Variants in DOCK8 observed in about 807,000 individuals in gnomAD.
DOCK8 encodes the protein dedicator of cytokinesis 8, also known as dedicator of cytokinesis protein 8.
A neutral mutation model predicts 245.6 loss-of-function variants in DOCK8; 141 were observed. The ratio of observed to expected loss-of-function variants is 0.57; its 90% CI spans 0.50 to 0.66. DOCK8 has a LOEUF of 0.66. Ranked by LOEUF, DOCK8 falls within the 30% of genes least tolerant of loss-of-function variation. The pLI, the probability that DOCK8 is intolerant of heterozygous loss-of-function variation, is 0.00. For synonymous variants in DOCK8, 1,168 were observed against 970.2 expected (o/e 1.20, Z -3.79); for missense variants, 2,965 against 2,603.4 (o/e 1.14, Z -3.02).
intron 35 of DOCK8, 103 bp from the exon 36 acceptor site, chr9:429,599 C>G (rs2056633405): frequency 1.4e-6 from 2 of 1,406,242 alleles, no homozygotes; most frequent in Middle Eastern, 2.2e-4. Context: ...ATTAACTCTT[C>G]TAGGCTTTTT....
In DOCK8 at chr9:247,260, T is replaced by A. The variant is rs185414687; in HGVS notation, c.54-24367T>A. Among the ~76,000 whole-genome samples the A allele has an allele frequency of 3.1e-3, 469 of 152,326 alleles. 5 individuals carry two copies. Among genetic ancestry groups the A allele is most frequent in the African/African-American group, 0.01 (427 of 41,558 alleles). On this transcript the variant is annotated intron_variant, in intron 1 of 47. Transcript: ENST00000432829. ...TAATTTGAATGTGCTATTCTTTTTT[T>A]AATTGCTTTAAAGTCAATTGGGGAA...
At chr9:411,591 C>G (rs968068649) in intron 28 of DOCK8, among the ~76,000 whole-genome samples, 2 of 152,100 alleles carry the variant, frequency 1.3e-5, no homozygotes, top group African/African-American at 4.8e-5. Flanking sequence ...TACTTCCCCA[C>G]TTGTTCTATG....
intron 39 of DOCK8, among the ~76,000 whole-genome samples, chr9:436,862 A>G (rs1404494114): frequency 6.6e-6 from 1 of 152,194 alleles, no homozygotes; most frequent in African/African-American, 2.4e-5. Flanking sequence ...TTGTTCAGTT[A>G]TAATTATGAG....
intron 2 of DOCK8, among the ~76,000 whole-genome samples, chr9:272,343 A>C (rs1471578680): frequency 6.6e-6 from 1 of 151,992 alleles, no homozygotes; most frequent in Non-Finnish European, 1.5e-5. Flanking sequence ...TGTCACCATA[A>C]TTTTGCTCTA....
chr9:333,405 T>G lies in DOCK8; in HGVS notation c.1126-820T>G, dbSNP rs148554649. Among the ~76,000 whole-genome samples the G allele has an allele frequency of 5.6e-3, 850 of 152,228 alleles. 6 individuals carry two copies. The highest frequency in any genetic ancestry group is 0.014 in the East Asian group (72 of 5,170). Reference sequence around the variant, plus strand: ...TCATGAGGTCAGAAGATTGAGACCATCCTGGCCAACACGGTGAAACCCCGT... The same window carrying G: ...TCATGAGGTCAGAAGATTGAGACCAGCCTGGCCAACACGGTGAAACCCCGT... On this transcript the variant is annotated intron_variant, in intron 10 of 47. Transcript: ENST00000432829.
intron 4 of DOCK8, among the ~76,000 whole-genome samples, chr9:301,985 TTAA>T (rs1230964345): frequency 6.9e-6 from 1 of 144,954 alleles, no homozygotes; most frequent in Non-Finnish European, 1.5e-5. Context: ...TTCACAGAAT[TTAA>T]AAAAAAAAAC....
At chr9:225,923 T>C (rs1046759028) in intron 1 of DOCK8, among the ~76,000 whole-genome samples, 1 of 152,126 alleles carries the variant, frequency 6.6e-6, no homozygotes, top group Non-Finnish European at 1.5e-5. Context: ...AGAACTGGTC[T>C]GTCTCTAGTG....
intron 29 of DOCK8, among the ~76,000 whole-genome samples, chr9:415,682 G>A (rs1277914717): frequency 8.9e-6 from 1 of 112,072 alleles, no homozygotes; most frequent in Non-Finnish European, 1.7e-5. Context: ...GTGCACGTGT[G>A]TGCGCGCGTG....
chr9:292,418 A>T (rs975982462), intron 4 of DOCK8, among the ~76,000 whole-genome samples: 15 of 144,370 alleles, frequency 1.0e-4, no homozygotes, highest in South Asian at 2.2e-4. Flanking sequence ...AAAAAAGATT[A>T]TTGACACTAC....
chr9:330,338 A>G (rs972956900), intron 9 of DOCK8, among the ~76,000 whole-genome samples: 2 of 152,214 alleles, frequency 1.3e-5, no homozygotes, highest in Non-Finnish European at 2.9e-5. Context: ...CGATGGGCCT[A>G]TCCTTATGTA....
intron 1 of DOCK8, among the ~76,000 whole-genome samples, chr9:217,883 G>A (rs1428515698): frequency 6.6e-6 from 1 of 152,188 alleles, no homozygotes; most frequent in Non-Finnish European, 1.5e-5. Context: ...CAATGGCAGA[G>A]CTGGGATTGC....
intron 14 of DOCK8, among the ~76,000 whole-genome samples, chr9:360,322 TAA>T (rs35203849): frequency 4.3e-5 from 6 of 139,214 alleles, no homozygotes; most frequent in Admixed American, 7.2e-5. Context: ...TCTCAAAATT[TAA>T]AAAAAAAAAA....
At position 419,195 on chromosome 9, in the gene DOCK8, G is replaced by A. The variant is rs10974333; in HGVS notation, c.3840+988G>A. ...GCAGAGAATTTAACTTTCTTCTCCC[G>A]TGAGAAAGCAGCATCCTGACCTAAC... On this transcript the variant is annotated intron_variant, in intron 30 of 47. Transcript: ENST00000432829. 6.5e-3 allele frequency among the ~76,000 whole-genome samples: 996 copies of A among 152,276 alleles called. 14 individuals carry two copies. Among genetic ancestry groups the A allele is most frequent in the African/African-American group, 0.023 (941 of 41,534 alleles).
At chr9:258,256 T>G (rs750964702) in intron 1 of DOCK8, among the ~76,000 whole-genome samples, 1 of 152,190 alleles carries the variant, frequency 6.6e-6, no homozygotes. Flanking sequence ...CGTCACTAAG[T>G]CACACAGACA....
chr9:229,408 G>A (rs933942209), intron 1 of DOCK8, among the ~76,000 whole-genome samples: 1 of 152,174 alleles, frequency 6.6e-6, no homozygotes, highest in Non-Finnish European at 1.5e-5. Flanking sequence ...ACATAGTCCT[G>A]CCTGGAGGCA....
Position 336,665 on chromosome 9 carries a change from G to A in DOCK8, c.1369G>A (p.Val457Ile). ...ERALSLEENG[V>I]GSNFKTSTLS... The stretch of plus-strand genomic sequence containing the variant: ...AGCCCTCTCCTTGGAGGAAAATGGG[G>A]TTGGATCCAACTTCAAAACCTCCAC... The change falls in exon 12 of 48, where the codon GTT (valine) becomes ATT (isoleucine). Residue 457 changes from valine (V) to isoleucine (I), a missense_variant. Around this residue, in one of 3 missense-constraint regions of DOCK8, gnomAD observed 2,825 missense variants for 2,453.5 expected, o/e 1.15. Coordinates refer to ENST00000432829, the MANE Select transcript of DOCK8 (RefSeq NM_203447.4). 6.2e-7 allele frequency: 1 copy of A among 1,614,114 alleles called. No individual in the cohort carries two copies. The highest frequency in any genetic ancestry group is 8.5e-7 in the Non-Finnish European group (1 of 1,180,010).
intron 1 of DOCK8, among the ~76,000 whole-genome samples, chr9:231,576 T>C (rs2047118461): frequency 6.6e-6 from 1 of 152,164 alleles, no homozygotes; most frequent in Non-Finnish European, 1.5e-5. Context: ...TTTTATTTCA[T>C]TGAGCAGTGG....
chr9:358,739 C>T lies in DOCK8; in HGVS notation c.1680-9279C>T, dbSNP rs188405952. Among the ~76,000 whole-genome samples, 390 of 149,410 alleles carry T rather than the reference C, an allele frequency of 2.6e-3. 3 individuals carry two copies. The highest frequency in any genetic ancestry group is 9.4e-3 in the African/African-American group (379 of 40,282). ...TGGCATGTGCCTGTAGTCCCAGCTA[C>T]TTGGGAGGCTGAGGCAGGAGAATCG... On this transcript the variant is annotated intron_variant, in intron 14 of 47. Transcript: ENST00000432829.
chr9:372,261 C>T lies in DOCK8; in HGVS notation c.2084C>T (p.Pro695Leu), dbSNP rs2053323204. The change falls in exon 18 of 48, where the codon CCC becomes CTC. Residue 695 changes from proline (P) to leucine (L), a missense_variant. By Grantham distance (98) the Pro-to-Leu change is moderately conservative (BLOSUM62 -3). Coordinates refer to ENST00000432829, the MANE Select transcript of DOCK8 (RefSeq NM_203447.4). ...CCAGTTGCCTTGGAAAAATTGCCAC[C>T]CAACTACTCCATGCATTCTGCTGAG... ...CLPVALEKLP[P>L]NYSMHSAEKV... 1 of 1,614,004 alleles carries T rather than the reference C, an allele frequency of 6.2e-7. No individual in the cohort carries two copies. The highest frequency in any genetic ancestry group is 8.5e-7 in the Non-Finnish European group (1 of 1,179,954).
Sources: gnomAD v4.1 joint callset for allele counts (sites outside exome capture counted in the v4.1 genomes callset) on GRCh38, gnomAD v4.1.1 for gene constraint, gnomAD v4.1.1 regional missense constraint, MANE v1.5 for transcripts, NCBI Gene and HGNC (gene_info 2026-07-23, HGNC 2026-07-21) for gene names.